Variants in TSN observed in about 807,000 individuals in gnomAD.
The protein encoded by TSN is component 3 of promoter of RISC.
Under a neutral mutation model 29.4 loss-of-function variants are expected in TSN, and 5 were observed. The observed-to-expected ratio is 0.17, with a 90% confidence interval of 0.09 to 0.36. The LOEUF is 0.36. Among genes scored for constraint, TSN ranks in the 10% least tolerant of loss-of-function variants. TSN has a pLI of 1.00. For missense variants in TSN, 159 were observed against 272.8 expected (o/e 0.58, Z 2.94); for synonymous variants, 106 against 102.2 (o/e 1.04, Z -0.23).
chr2:121,759,961 T>C (rs10171460), intron 3 of TSN, among the ~76,000 whole-genome samples: 4,023 of 152,302 alleles, frequency 0.026, 179 homozygotes, highest in African/African-American at 0.09. Context: ...CTAAAATATT[T>C]ACTACTTGGC....
intron 3 of TSN, among the ~76,000 whole-genome samples, chr2:121,760,228 A>G (rs2074805018): frequency 6.6e-6 from 1 of 152,246 alleles, no homozygotes; most frequent in Non-Finnish European, 1.5e-5. Context: ...TGGACTGTGC[A>G]TGCGAGGGAT....
At chr2:121,757,923 C>T (rs1297551177) in intron 2 of TSN, among the ~76,000 whole-genome samples, 1 of 152,022 alleles carries the variant, frequency 6.6e-6, no homozygotes, top group African/African-American at 2.4e-5. Context: ...GGCTGGGCCT[C>T]TCAAAGTGCT....
chr2:121,761,343 C>G, intron 3 of TSN, 66 bp from the exon 4 acceptor site: 4 of 1,078,164 alleles, frequency 3.7e-6, no homozygotes, highest in Non-Finnish European at 5.7e-6. Context: ...TTGAACATGG[C>G]TGTATTAAAC....
Position 121,758,776 on chromosome 2 carries a change from A to G in TSN, c.227A>G (p.Lys76Arg), listed in dbSNP as rs1476609260. ...GTAAAAACACATCTAACATCTTTGA[A>G]GACCAAATTTCCTGCTGAACAGTAT... ...GTVKTHLTSL[K>R]TKFPAEQYYR... The change falls in exon 3 of 6, where the codon AAG (lysine) becomes AGG (arginine). Residue 76 changes from lysine (K) to arginine (R), a missense_variant. By Grantham distance (26) the Lys-to-Arg change is conservative. Transcript: ENST00000389682. 9 of 1,594,232 alleles carry G rather than the reference A, an allele frequency of 5.6e-6. No homozygotes were observed. Among genetic ancestry groups the G allele is most frequent in the Non-Finnish European group, 8.5e-7 (1 of 1,172,246 alleles).
intron 4 of TSN, 35 bp downstream of exon 4, chr2:121,761,559 G>A: frequency 6.6e-7 from 1 of 1,508,926 alleles, no homozygotes; most frequent in Non-Finnish European, 9.2e-7. Flanking sequence ...TGCAGAATCA[G>A]GCATGGTTGC....
chr2:121,756,130 G>A (rs914177739), intron 1 of TSN: 1 of 522,512 alleles, frequency 1.9e-6, no homozygotes, highest in Non-Finnish European at 3.3e-6. Context: ...TTAGCACCTG[G>A]TCTTCAGCGA....
At chr2:121,758,289 G>A (rs1261751811) in intron 2 of TSN, among the ~76,000 whole-genome samples, 2 of 152,300 alleles carry the variant, frequency 1.3e-5, no homozygotes, top group East Asian at 3.9e-4. Context: ...CGTGCCAGAG[G>A]CAAGTGATTT....
At chr2:121,757,549 G>T (rs1333905234) in intron 2 of TSN, 6 of 867,402 alleles carry the variant, frequency 6.9e-6, no homozygotes, top group African/African-American at 1.7e-5. Context: ...TTCTACTGAT[G>T]ATAATTACAA....
At chr2:121,760,215 T>C (rs1317217340) in intron 3 of TSN, among the ~76,000 whole-genome samples, 1 of 152,248 alleles carries the variant, frequency 6.6e-6, no homozygotes, top group African/African-American at 2.4e-5. Context: ...GCGAACCCTA[T>C]TGTGGACTGT....
rs999045570 is a variant in TSN at position 121,765,566 on chromosome 2, T to G, written c.*199T>G. The stretch of plus-strand genomic sequence containing the variant: ...TAGCCTTTACATGGACAGAATTTTT[T>G]TTGTTGTTTCAGTGAATATGCCTGT... On this transcript the variant is annotated 3_prime_UTR_variant, in exon 6 of 6. Coordinates refer to ENST00000389682, the MANE Select transcript of TSN (RefSeq NM_004622.3). 1.4e-5 allele frequency: 8 copies of G among 592,324 alleles called. No homozygotes were observed. The highest frequency in any genetic ancestry group is 1.2e-4 in the Admixed American group (4 of 32,476). The allele number at this position is 592,324 out of a possible 1,614,324, so 36.7% of individuals were successfully genotyped here. A position where few individuals can be genotyped will look rare whatever the true frequency, so the allele number is the denominator to read the frequency against.
In TSN at chr2:121,755,763, G is replaced by T; in HGVS notation, c.-17G>T. On this transcript the variant is annotated 5_prime_UTR_variant, in exon 1 of 6. Coordinates refer to ENST00000389682, the MANE Select transcript of TSN (RefSeq NM_004622.3). The stretch of plus-strand genomic sequence containing the variant: ...GCCGCCCTTGCTACACTGGCTGATT[G>T]TTGTGCAGCCGGCGCCATGTCTGTG... The T allele has an allele frequency of 6.2e-7, 1 of 1,613,256 alleles. No homozygotes were observed. Among genetic ancestry groups the T allele is most frequent in the East Asian group, 2.2e-5 (1 of 44,884 alleles).
intron 1 of TSN, 32 bp downstream of exon 1, chr2:121,755,877 C>G: frequency 1.2e-6 from 2 of 1,613,480 alleles, no homozygotes; most frequent in Non-Finnish European, 1.7e-6. Context: ...TTCCCTTTGC[C>G]TTTCCATGCC....
chr2:121,755,940 G>A, intron 1 of TSN, 95 bp downstream of exon 1: 1 of 1,581,334 alleles, frequency 6.3e-7, no homozygotes, highest in Non-Finnish European at 8.6e-7. Flanking sequence ...CGGGCGGTGG[G>A]GACGCCTCCG....
chr2:121,758,451 G>A (rs923640794), intron 2 of TSN, among the ~76,000 whole-genome samples: 1 of 152,170 alleles, frequency 6.6e-6, no homozygotes, highest in Non-Finnish European at 1.5e-5. Context: ...TAAGGATGAC[G>A]TTATTTATGA....
Position 121,765,348 on chromosome 2 carries a change from C to T in TSN, c.668C>T (p.Ala223Val). 6.2e-6 allele frequency: 10 copies of T among 1,614,180 alleles called. No homozygotes were observed. The highest frequency in any genetic ancestry group is 1.1e-5 in the South Asian group (1 of 91,086). The change falls in exon 6 of 6, where the codon GCA (alanine) becomes GTA (valine). Residue 223 changes from alanine to valine, a missense_variant. Physicochemically the swap from Ala to Val is moderately conservative, Grantham distance 64 (BLOSUM62 0). Around this residue, in one of 3 missense-constraint regions of TSN, gnomAD observed 85 missense variants for 178.1 expected, o/e 0.48. Coordinates refer to ENST00000389682, the MANE Select transcript of TSN (RefSeq NM_004622.3). ...SIRGFNKETA[A>V]ACVEK is the part of the protein sequence containing the mutation. ...CGGGGCTTTAATAAGGAGACGGCAG[C>T]AGCTTGTGTTGAAAAATAGGAGGCT... is the stretch of plus-strand genomic sequence containing the variant.
chr2:121,762,170 T>C (rs2074840401), intron 4 of TSN, among the ~76,000 whole-genome samples: 2 of 152,050 alleles, frequency 1.3e-5, no homozygotes, highest in South Asian at 4.1e-4. Flanking sequence ...TTTTGTATTT[T>C]TAGTAGAGAT....
chr2:121,762,941 T>A, intron 4 of TSN, 64 bp from the exon 5 acceptor site: 1 of 1,404,036 alleles, frequency 7.1e-7, no homozygotes, highest in Non-Finnish European at 9.7e-7. Context: ...ATTATGTGTA[T>A]ATTTTTATAT....
At chr2:121,755,904 C>T in intron 1 of TSN, 59 bp downstream of exon 1, 6 of 1,610,046 alleles carry the variant, frequency 3.7e-6, no homozygotes, top group Non-Finnish European at 5.1e-6. Context: ...GGCCACTTCG[C>T]CCGGCCCTCC....
At chr2:121,757,466 A>G in intron 2 of TSN, 133 bp downstream of exon 2, 1 of 1,529,732 alleles carries the variant, frequency 6.5e-7, no homozygotes, top group Non-Finnish European at 8.8e-7. Flanking sequence ...AGGTGATTTG[A>G]TAATTTTGGT....
Sources: gnomAD v4.1 joint callset for allele counts (sites outside exome capture counted in the v4.1 genomes callset) on GRCh38, gnomAD v4.1.1 for gene constraint, gnomAD v4.1.1 regional missense constraint, MANE v1.5 for transcripts, NCBI Gene and HGNC (gene_info 2026-07-23, HGNC 2026-07-21) for gene names.